The following SLC13A2 variants were observed in gnomAD, a reference collection of about 807,000 sequenced individuals.
SLC13A2 encodes the protein Na(+)-coupled citrate transporter.
In SLC13A2, 40 loss-of-function variants were observed where a neutral mutation model predicts 58.5. The observed-to-expected ratio is 0.68, with a 90% CI of 0.53 to 0.89. SLC13A2 has a LOEUF of 0.89. Ranked by LOEUF, SLC13A2 falls within the 40% of genes least tolerant of loss-of-function variation. SLC13A2 has a pLI of 0.00. For missense variants in SLC13A2, 694 were observed against 772.6 expected (o/e 0.90, Z 1.21); for synonymous variants, 341 against 331.6 (o/e 1.03, Z -0.31).
rs1424330385 is a variant in SLC13A2, at chr17:28,473,781, C to T, written c.69C>T (p.Leu23=). 1 of 1,614,040 alleles carries T rather than the reference C, an allele frequency of 6.2e-7. No individual in the cohort carries two copies. Among genetic ancestry groups the T allele is most frequent in the Admixed American group, 1.7e-5 (1 of 59,972 alleles). ...SYLIVFFVPI[L]LLPLPILVPS... ...TGATCGTGTTCTTCGTGCCCATTCT[C>T]CTGCTGCCTCTGCCCATCCTCGTCC... The change falls in exon 1 of 12, where the codon CTC becomes CTT. Residue 23 remains leucine, a synonymous_variant. Transcript: ENST00000314669.
At position 28,496,639 on chromosome 17, in the gene SLC13A2, T is replaced by G. The variant is rs2069150541; in HGVS notation, c.1608+52T>G. The G allele has an allele frequency of 6.4e-7, 1 of 1,566,166 alleles. No individual in the cohort carries two copies. Among genetic ancestry groups the G allele is most frequent in the South Asian group, 1.2e-5 (1 of 84,662 alleles). The stretch of plus-strand genomic sequence containing the variant: ...TCATCCCTCCTTCCTGCTCTGACTT[T>G]TCATCTTAGTGAACCACAAAGCAGC... On this transcript the variant is annotated intron_variant, in intron 11 of 11. Transcript: ENST00000314669. This position sits in a 1 kb window ranked among gnomAD's most constrained non-coding sequence, Gnocchi z 4.2.
rs1180330571 is a variant in SLC13A2, at chr17:28,477,892, T to C, written c.102+4078T>C. Among the ~76,000 whole-genome samples, 9 of 152,166 alleles carry C rather than the reference T, an allele frequency of 5.9e-5. No homozygotes were observed. In the East Asian group the frequency reaches 1.8e-3, roughly 30 times the overall value. On this transcript the variant is annotated intron_variant, in intron 1 of 11. Coordinates refer to ENST00000314669, the MANE Select transcript of SLC13A2 (RefSeq NM_003984.4). ...GGCCAACATGGTGAAACTCCATCTC[T>C]ACTAAAAATACAAAAATTAGCCAGG...
intron 1 of SLC13A2, among the ~76,000 whole-genome samples, chr17:28,477,193 G>GT (rs1300546466): frequency 0.012 from 709 of 58,442 alleles, 6 homozygotes; most frequent in East Asian, 0.04. Context: ...CAAGTTTTTT[G>GT]TTTTTTTTTT....
At position 28,491,823 on chromosome 17, in the gene SLC13A2, G is replaced by A. The variant is rs1226379236; in HGVS notation, c.849G>A (p.Leu283=). Residue 283 remains leucine (L), a synonymous_variant, in exon 6 of 12, where the codon TTG becomes TTA. Coordinates refer to ENST00000314669, the MANE Select transcript of SLC13A2 (RefSeq NM_003984.4). ...TMVILLLLAW[L]WLQILFLGFN... is the part of the protein sequence containing the mutation. The stretch of plus-strand genomic sequence containing the variant: ...TCATCTTGCTGCTGCTGGCCTGGTT[G>A]TGGCTGCAGATCCTCTTCCTGGGCT... 1.2e-6 allele frequency: 2 copies of A among 1,614,182 alleles called. No homozygotes were observed. The highest frequency in any genetic ancestry group is 1.3e-5 in the African/African-American group (1 of 75,058).
chr17:28,493,877 CA>C, intron 7 of SLC13A2, 88 bp downstream of exon 7: 1 of 1,500,340 alleles, frequency 6.7e-7, no homozygotes, highest in South Asian at 1.2e-5. Flanking sequence ...CATTGCAGAA[CA>C]GGAGGTAACA....
In SLC13A2 at chr17:28,490,711, G is replaced by A; in HGVS notation, c.379G>A (p.Gly127Ser). 6.2e-7 allele frequency: 1 copy of A among 1,613,190 alleles called. No homozygotes were observed. Among genetic ancestry groups the A allele is most frequent in the Non-Finnish European group, 8.5e-7 (1 of 1,179,364 alleles). Residue 127 changes from glycine to serine, a missense_variant, in exon 4 of 12, where the codon GGC (glycine) becomes AGC (serine). Physicochemically the swap from Gly to Ser is moderately conservative, Grantham distance 56. Coordinates refer to ENST00000314669, the MANE Select transcript of SLC13A2 (RefSeq NM_003984.4). ...VGVRPAPLIL[G>S]FMLVTAFLSM... ...TCTGCCCATCCCTAGGCTAATCCTG[G>A]GCTTCATGCTGGTCACGGCCTTCCT... is the stretch of plus-strand genomic sequence containing the variant.
intron 1 of SLC13A2, chr17:28,487,486 A>C (rs1597880613): frequency 1.0e-6 from 1 of 955,790 alleles, no homozygotes; most frequent in Non-Finnish European, 1.2e-6. Flanking sequence ...AGCACATAGA[A>C]TATGACGCCT....
intron 2 of SLC13A2, among the ~76,000 whole-genome samples, 197 bp downstream of exon 2, chr17:28,489,539 G>C (rs1166919844): frequency 1.3e-5 from 2 of 152,186 alleles, no homozygotes; most frequent in African/African-American, 4.8e-5. Context: ...AGTGCTGCGA[G>C]TTCATTCAAG....
chr17:28,476,382 A>T (rs1597865828), intron 1 of SLC13A2, among the ~76,000 whole-genome samples: 1 of 152,100 alleles, frequency 6.6e-6, no homozygotes, highest in East Asian at 1.9e-4. Context: ...CAGCCTGGGC[A>T]ACATAATGAG....
Position 28,473,723 on chromosome 17 carries a change from G to A in SLC13A2, c.11G>A (p.Cys4Tyr). The stretch of plus-strand genomic sequence containing the variant: ...TTGCTGCTCCACACCATGGCCACCT[G>A]CTGGCAGGCCCTGTGGGCCTATCGC... MAT[C>Y]WQALWAYRSY... is the part of the protein sequence containing the mutation. The change falls in exon 1 of 12, where the codon TGC becomes TAC. Residue 4 changes from cysteine (C) to tyrosine (Y), a missense_variant. Coordinates refer to ENST00000314669, the MANE Select transcript of SLC13A2 (RefSeq NM_003984.4). The A allele has an allele frequency of 1.2e-6, 2 of 1,614,008 alleles. No homozygotes were observed. The highest frequency in any genetic ancestry group is 1.7e-4 in the Middle Eastern group (1 of 6,056).
intron 6 of SLC13A2, among the ~76,000 whole-genome samples, chr17:28,492,635 C>T (rs1555603751): frequency 6.6e-6 from 1 of 152,202 alleles, no homozygotes; most frequent in African/African-American, 2.4e-5. Flanking sequence ...TGTGTGCCAC[C>T]TAATGAAGCC....
At chr17:28,480,985 CA>C (rs2068774371) in intron 1 of SLC13A2, among the ~76,000 whole-genome samples, 1 of 152,130 alleles carries the variant, frequency 6.6e-6, no homozygotes, top group Admixed American at 6.5e-5. Context: ...CCTCAAAGGC[CA>C]GGGGGATCCC....
intron 1 of SLC13A2, among the ~76,000 whole-genome samples, chr17:28,487,746 G>A (rs376932143): frequency 1.3e-5 from 2 of 152,082 alleles, no homozygotes; most frequent in South Asian, 2.1e-4. Context: ...GGGTTTCTCT[G>A]TCTGAGGGTC....
At chr17:28,492,779 T>C (rs1418503218) in intron 6 of SLC13A2, among the ~76,000 whole-genome samples, 5 of 152,252 alleles carry the variant, frequency 3.3e-5, no homozygotes, top group Admixed American at 6.5e-5. Flanking sequence ...ATTAGTGATG[T>C]CTGCCATGAA....
rs782229559 is a variant in SLC13A2, at chr17:28,493,554, C to T, written c.879-17C>T. The T allele has an allele frequency of 8.2e-6, 13 of 1,586,732 alleles. No individual in the cohort carries two copies. The highest frequency in any genetic ancestry group is 4.0e-5 in the African/African-American group (3 of 74,620). ...GGAGCAGGCCCCCCACGAGCTGCCC[C>T]GTCCCTCTGCCTGCAGCTTCCGGAA... On this transcript the variant is annotated splice_polypyrimidine_tract_variant and intron_variant, in intron 6 of 11. Transcript: ENST00000314669.
chr17:28,486,750 C>A (rs1170829803), intron 1 of SLC13A2, among the ~76,000 whole-genome samples: 1 of 151,660 alleles, frequency 6.6e-6, no homozygotes, highest in Non-Finnish European at 1.5e-5. Context: ...GAGCAGGGAG[C>A]CATGCATCAA....
chr17:28,493,835 T>G, intron 7 of SLC13A2, 46 bp downstream of exon 7: 1 of 1,602,604 alleles, frequency 6.2e-7, no homozygotes, highest in African/African-American at 1.3e-5. Context: ...GGGGCTCACA[T>G]GCTCGGGAAG....
At chr17:28,489,542 C>T (rs537274188) in intron 2 of SLC13A2, among the ~76,000 whole-genome samples, 200 bp downstream of exon 2, 2 of 152,274 alleles carry the variant, frequency 1.3e-5, no homozygotes, top group African/African-American at 4.8e-5. Flanking sequence ...GCTGCGAGTT[C>T]ATTCAAGGTG....
In SLC13A2 at chr17:28,496,969, A is replaced by G. The variant is rs534607934; in HGVS notation, c.1609-130A>G. The G allele has an allele frequency of 2.2e-6, 2 of 923,554 alleles. No individual in the cohort carries two copies. The highest frequency in any genetic ancestry group is 3.4e-6 in the Non-Finnish European group (2 of 595,396). The allele number at this position is 923,554 out of a possible 1,614,324, so 57.2% of individuals were successfully genotyped here. A position where few individuals can be genotyped will look rare whatever the true frequency, so the allele number is the denominator to read the frequency against. Reference sequence around the variant, plus strand: ...AAAGGCATTGGCTATGCTGCAGGTTAGACCAACGGGAGGACTTCCCAGAGA... The same window carrying G: ...AAAGGCATTGGCTATGCTGCAGGTTGGACCAACGGGAGGACTTCCCAGAGA... On this transcript the variant is annotated intron_variant, in intron 11 of 11. Coordinates refer to ENST00000314669, the MANE Select transcript of SLC13A2 (RefSeq NM_003984.4). This position sits in a 1 kb window ranked among gnomAD's most constrained non-coding sequence, Gnocchi z 4.2.
Sources: gnomAD v4.1 joint callset for allele counts (sites outside exome capture counted in the v4.1 genomes callset) on GRCh38, gnomAD v4.1.1 for gene constraint, Gnocchi (gnomAD v3.1) non-coding constraint, MANE v1.5 for transcripts, NCBI Gene and HGNC (gene_info 2026-07-23, HGNC 2026-07-21) for gene names.